The following RMDN2 variants were observed in gnomAD, a reference collection of about 807,000 sequenced individuals.
RMDN2 encodes the protein regulator of microtubule dynamics 2.
A neutral mutation model predicts 52.8 loss-of-function variants in RMDN2; 61 were observed. The ratio of observed to expected loss-of-function variants is 1.16; its 90% CI spans 0.94 to 1.43. RMDN2 has a LOEUF of 1.43. RMDN2 is among the 40% of genes most tolerant of loss of function. The pLI, the probability that RMDN2 is intolerant of heterozygous loss-of-function variation, is 0.00. For missense variants in RMDN2, 592 were observed against 475.3 expected (o/e 1.25, Z -2.28); for synonymous variants, 180 against 153.1 (o/e 1.18, Z -1.30).
chr2:37,981,889 A>G (rs1384238643), intron 5 of RMDN2, among the ~76,000 whole-genome samples: 1 of 151,910 alleles, frequency 6.6e-6, no homozygotes, highest in Non-Finnish European at 1.5e-5. Context: ...ACATTATTTT[A>G]TAAATATAAA....
chr2:38,046,820 G>A (rs917747477), intron 10 of RMDN2, among the ~76,000 whole-genome samples: 6 of 151,968 alleles, frequency 3.9e-5, no homozygotes, highest in East Asian at 1.9e-4. Context: ...CCGTCTCTAC[G>A]AAAAATACAA....
intron 10 of RMDN2, among the ~76,000 whole-genome samples, chr2:38,062,301 C>T (rs1682086111): frequency 6.6e-6 from 1 of 152,168 alleles, no homozygotes; most frequent in African/African-American, 2.4e-5. Context: ...CAGAGGCTGT[C>T]GTAGCAATGG....
chr2:38,026,805 C>A (rs1217067745), intron 10 of RMDN2, among the ~76,000 whole-genome samples: 2 of 152,140 alleles, frequency 1.3e-5, no homozygotes, highest in Non-Finnish European at 2.9e-5. Flanking sequence ...CTAAGTACCA[C>A]TTTAGCAGTA....
intron 2 of RMDN2, among the ~76,000 whole-genome samples, chr2:37,965,303 C>G (rs1440875652): frequency 6.8e-6 from 1 of 146,422 alleles, no homozygotes; most frequent in African/African-American, 2.5e-5. Flanking sequence ...TTTTTTGTCC[C>G]TCATTTTCTC....
At chr2:37,973,614 A>G (rs1260468333) in intron 2 of RMDN2, among the ~76,000 whole-genome samples, 9 of 152,140 alleles carry the variant, frequency 5.9e-5, no homozygotes, top group African/African-American at 2.2e-4. Flanking sequence ...GAATGTGGGG[A>G]TTGAGGTATT....
intron 2 of RMDN2, among the ~76,000 whole-genome samples, chr2:37,932,266 T>G (rs1666823889): frequency 6.6e-6 from 1 of 150,548 alleles, no homozygotes; most frequent in South Asian, 2.1e-4. Context: ...TGATGACTCT[T>G]AAGGAGCATG....
intron 4 of RMDN2, among the ~76,000 whole-genome samples, chr2:37,977,668 C>T (rs1672697503): frequency 6.6e-6 from 1 of 151,882 alleles, no homozygotes; most frequent in African/African-American, 2.4e-5. Context: ...AGAGACACTC[C>T]TCAATTCCCA....
At position 37,997,361 on chromosome 2, in the gene RMDN2, A is replaced by T. The variant is rs931482067; in HGVS notation, c.946-55A>T. On this transcript the variant is annotated intron_variant, in intron 7 of 10. Transcript: ENST00000354545. Reference sequence around the variant, plus strand: ...CACACACGTCTAACTGGGGAGAGATAATCCATTCAAAAGGTGAACAACTTT... The same window carrying T: ...CACACACGTCTAACTGGGGAGAGATTATCCATTCAAAAGGTGAACAACTTT... 6 of 1,049,170 alleles carry T rather than the reference A, an allele frequency of 5.7e-6. No individual in the cohort carries two copies. In the African/African-American group the frequency reaches 7.8e-5, roughly 14 times the overall value. 65.0% of individuals were successfully genotyped at this position (1,049,170 alleles called of 1,614,324 possible). A position where few individuals can be genotyped will look rare whatever the true frequency, so the allele number is the denominator to read the frequency against.
chr2:37,970,478 G>C (rs1300497943), intron 2 of RMDN2, among the ~76,000 whole-genome samples: 1 of 152,114 alleles, frequency 6.6e-6, no homozygotes, highest in African/African-American at 2.4e-5. Context: ...TTATGTGTAA[G>C]ATTGGCCTAT....
chr2:38,014,522 T>G (rs1287427677), intron 10 of RMDN2, among the ~76,000 whole-genome samples: 1 of 152,234 alleles, frequency 6.6e-6, no homozygotes, highest in Non-Finnish European at 1.5e-5. Flanking sequence ...GGACTAGCTG[T>G]TCTTAACCAG....
intron 7 of RMDN2, among the ~76,000 whole-genome samples, chr2:37,993,735 C>T (rs1230580821): frequency 8.5e-6 from 1 of 117,208 alleles, no homozygotes; most frequent in Non-Finnish European, 1.6e-5. Context: ...CACAATATAT[C>T]TGGGACTCCA....
At chr2:37,947,878 C>A (rs528211091) in intron 2 of RMDN2, among the ~76,000 whole-genome samples, 4 of 152,160 alleles carry the variant, frequency 2.6e-5, no homozygotes, top group Non-Finnish European at 5.9e-5. Context: ...CAGGGTTCTC[C>A]CCTTGTGCCC....
At chr2:37,942,180 C>T (rs1210558666) in intron 2 of RMDN2, among the ~76,000 whole-genome samples, 1 of 152,136 alleles carries the variant, frequency 6.6e-6, no homozygotes, top group Non-Finnish European at 1.5e-5. Context: ...CTTGCACTTC[C>T]TGGGTGAGGC....
rs3770140 is a variant in RMDN2 at position 38,066,836 on chromosome 2, A to G, written c.1714-146A>G. ...ACTGTCCTGACATTTCCAAGATCCT[A>G]CTGTCATACATCTGGAAAACTAGTG... On this transcript the variant is annotated intron_variant, in intron 10 of 10. Coordinates refer to the RMDN2 transcript ENST00000234195. 94 of 653,444 alleles carry G rather than the reference A, an allele frequency of 1.4e-4. No individual in the cohort carries two copies. In the East Asian group the frequency reaches 2.4e-3, roughly 17 times the overall value. 40.5% of individuals were successfully genotyped at this position (653,444 alleles called of 1,614,324 possible).
rs112143916 is a variant in RMDN2, at chr2:38,064,951, A to G, written c.1714-2031A>G. Reference sequence around the variant, plus strand: ...GGAGAACATGCAATATTTAAATTACATAACGCACTCACTTGCTGACCCAAC... The same window carrying G: ...GGAGAACATGCAATATTTAAATTACGTAACGCACTCACTTGCTGACCCAAC... On this transcript the variant is annotated intron_variant, in intron 10 of 10. Coordinates refer to the RMDN2 transcript ENST00000234195. Among the ~76,000 whole-genome samples the G allele has an allele frequency of 2.4e-3, 365 of 152,342 alleles. 5 individuals are homozygous for G. Among genetic ancestry groups the G allele is most frequent in the African/African-American group, 8.3e-3 (343 of 41,568 alleles).
chr2:37,946,405 C>T (rs959531494), intron 2 of RMDN2, among the ~76,000 whole-genome samples: 2 of 152,106 alleles, frequency 1.3e-5, no homozygotes, highest in African/African-American at 2.4e-5. Flanking sequence ...TTTCTCTTCC[C>T]TATGCTACCC....
downstream of RMDN2, among the ~76,000 whole-genome samples, chr2:38,022,177 C>G (rs1328502435): frequency 6.6e-6 from 1 of 152,042 alleles, no homozygotes; most frequent in Non-Finnish European, 1.5e-5. Context: ...AGGAAACAAA[C>G]CAAAATAAAG....
chr2:37,957,988 T>C (rs1264145797), intron 2 of RMDN2, among the ~76,000 whole-genome samples: 8 of 152,228 alleles, frequency 5.3e-5, no homozygotes, highest in Non-Finnish European at 1.2e-4. Context: ...GCCTCTGTTC[T>C]ATTCCATTGG....
chr2:37,950,424 C>G (rs1668629750), intron 2 of RMDN2: 1 of 1,606,346 alleles, frequency 6.2e-7, no homozygotes, highest in African/African-American at 1.3e-5. Context: ...ATTCTAGAGT[C>G]TGCTGTCATC....
Sources: allele counts gnomAD v4.1 joint callset (sites outside exome capture counted in the v4.1 genomes callset), GRCh38; gene constraint gnomAD v4.1.1; transcripts MANE v1.5; gene names NCBI Gene and HGNC (gene_info 2026-07-23, HGNC 2026-07-21).